The following AP3D1 variants were observed in gnomAD, a reference collection of about 807,000 sequenced individuals.
AP3D1 encodes AP-3 complex subunit delta-1.
A neutral mutation model predicts 147.6 loss-of-function variants in AP3D1; 51 were observed. The observed-to-expected ratio is 0.35, with a 90% CI of 0.28 to 0.44. The LOEUF is 0.44. Among genes scored for constraint, AP3D1 ranks in the 20% least tolerant of loss-of-function variants. The pLI, the probability that AP3D1 is intolerant of heterozygous loss-of-function variation, is 1.00. For missense variants in AP3D1, 1,421 were observed against 1,624.2 expected (o/e 0.87, Z 2.15); for synonymous variants, 760 against 663.0 (o/e 1.15, Z -2.25).
intron 1 of AP3D1, among the ~76,000 whole-genome samples, chr19:2,145,056 T>C (rs116745703): frequency 6.6e-6 from 1 of 152,336 alleles, no homozygotes; most frequent in African/African-American, 2.4e-5. Flanking sequence ...ATCTACTTCA[T>C]TTCATGCCTA....
chr19:2,157,737 C>G (rs1322720813), intron 1 of AP3D1, among the ~76,000 whole-genome samples: 1 of 149,596 alleles, frequency 6.7e-6, no homozygotes. Flanking sequence ...ATCCACCCAT[C>G]CATCCATTCA....
At chr19:2,161,425 G>A (rs1224144490) in intron 1 of AP3D1, among the ~76,000 whole-genome samples, 2 of 151,920 alleles carry the variant, frequency 1.3e-5, no homozygotes, top group African/African-American at 2.4e-5. Context: ...GCCTCCCAAA[G>A]TGCTGGGATT....
chr19:2,110,794 C>T lies in AP3D1; in HGVS notation c.3088G>A (p.Val1030Met), dbSNP rs753440657. The change falls in exon 27 of 32, where the codon GTG (valine) becomes ATG (methionine). Residue 1030 changes from valine (V) to methionine (M), a missense_variant. Val to Met is a conservative substitution (Grantham distance 21). Transcript: ENST00000643116. ...ATCCTGGCATTGAGTGAGTCCAGCA[C>T]GCTGAGCTCCATGCCCTTGAGGATG... ...SSILKGMELS[V>M]LDSLNARMAR... is the part of the protein sequence containing the mutation. 15 of 1,613,344 alleles carry T rather than the reference C, an allele frequency of 9.3e-6. No homozygotes were observed. Among genetic ancestry groups the T allele is most frequent in the South Asian group, 5.5e-5 (5 of 91,066 alleles).
At chr19:2,127,890 G>A (rs913532272) in intron 8 of AP3D1, among the ~76,000 whole-genome samples, 1 of 152,230 alleles carries the variant, frequency 6.6e-6, no homozygotes, top group Non-Finnish European at 1.5e-5. Context: ...GCTGCTTACA[G>A]CTTTACAGTC....
chr19:2,117,675 G>A (rs1030969773), intron 15 of AP3D1, among the ~76,000 whole-genome samples: 28 of 152,350 alleles, frequency 1.8e-4, no homozygotes, highest in Admixed American at 2.0e-4. Context: ...CGGCCCCCGC[G>A]GGCTCCCCGC....
rs759993222 is a variant in AP3D1 at position 2,113,365 on chromosome 19, C to T, written c.2650G>A (p.Ala884Thr). ...GATGGAACGGGGGCGGGGGCGGGGG[C>T]GGGGGCAGGCGGTGGGGTGGTAGAC... is the stretch of plus-strand genomic sequence containing the variant. ...WLSTTPPPAP[A>T]PAPAPVPSTG... Residue 884 changes from alanine (A) to threonine (T), a missense_variant, in exon 23 of 32, where the codon GCC becomes ACC. Physicochemically the swap from Ala to Thr is moderately conservative, Grantham distance 58 (BLOSUM62 0). Transcript: ENST00000643116. 9 of 302,382 alleles carry T rather than the reference C, an allele frequency of 3.0e-5. No individual in the cohort carries two copies. The highest frequency in any genetic ancestry group is 3.6e-4 in the Admixed American group (2 of 5,536). 18.7% of individuals were successfully genotyped at this position (302,382 alleles called of 1,614,324 possible).
chr19:2,163,120 C>T (rs2019761280), intron 1 of AP3D1, among the ~76,000 whole-genome samples: 2 of 152,104 alleles, frequency 1.3e-5, no homozygotes, highest in South Asian at 4.1e-4. Flanking sequence ...GTTGCCCAGG[C>T]CGGAGTGCAG....
intron 14 of AP3D1, among the ~76,000 whole-genome samples, 195 bp from the exon 15 acceptor site, chr19:2,119,027 G>C (rs1051493328): frequency 6.6e-6 from 1 of 152,214 alleles, no homozygotes; most frequent in Non-Finnish European, 1.5e-5. Flanking sequence ...ACACAAACAA[G>C]GCAGAGATGT....
chr19:2,138,721 T>C lies in AP3D1; in HGVS notation c.97-7A>G, dbSNP rs2019142019. 7 of 1,598,506 alleles carry C rather than the reference T, an allele frequency of 4.4e-6. No individual in the cohort carries two copies. The highest frequency in any genetic ancestry group is 6.0e-6 in the Non-Finnish European group (7 of 1,167,780). On this transcript the variant is annotated splice_polypyrimidine_tract_variant and splice_region_variant and intron_variant, in intron 1 of 31. Transcript: ENST00000643116. ...ACTGAGATATGTATTTTGCCTATAA[T>C]GGGGGATAAACACAGAGATTACAAA...
chr19:2,119,755 GA>G (rs2018559564), intron 14 of AP3D1, among the ~76,000 whole-genome samples: 1 of 146,996 alleles, frequency 6.8e-6, no homozygotes, highest in Non-Finnish European at 1.5e-5. Context: ...CCAACATGGT[GA>G]AACCCCATCT....
intron 5 of AP3D1, among the ~76,000 whole-genome samples, chr19:2,130,918 T>C (rs1240969644): frequency 1.3e-5 from 2 of 152,200 alleles, no homozygotes; most frequent in Non-Finnish European, 2.9e-5. Flanking sequence ...AGCCCTCCCA[T>C]CTAACAGGCC....
At chr19:2,134,764 G>C (rs2019035548) in intron 4 of AP3D1, among the ~76,000 whole-genome samples, 1 of 150,780 alleles carries the variant, frequency 6.6e-6, no homozygotes, top group African/African-American at 2.4e-5. Context: ...ACCACGCCCG[G>C]CTAATTTTGT....
chr19:2,111,835 C>T lies in AP3D1; in HGVS notation c.2788-7G>A, dbSNP rs1046406337. 4.3e-6 allele frequency: 7 copies of T among 1,613,460 alleles called. No individual in the cohort carries two copies. The highest frequency in any genetic ancestry group is 5.9e-6 in the Non-Finnish European group (7 of 1,179,960). On this transcript the variant is annotated splice_region_variant and splice_polypyrimidine_tract_variant and intron_variant, in intron 24 of 31. Coordinates refer to ENST00000643116, the MANE Select transcript of AP3D1 (RefSeq NM_001261826.3). ...TCTTAGGCTTGGGAGATTTCTGGAG[C>T]AAGAGGAGGGTCGGGTTCAGTGCCC...
At position 2,117,378 on chromosome 19, in the gene AP3D1, C is replaced by A. The variant is rs754312127; in HGVS notation, c.1714-11G>T. 1 of 1,580,852 alleles carries A rather than the reference C, an allele frequency of 6.3e-7. No homozygotes were observed. The highest frequency in any genetic ancestry group is 8.6e-7 in the Non-Finnish European group (1 of 1,164,976). The stretch of plus-strand genomic sequence containing the variant: ...CAGGATGCAGGACGCCTGTGGGGGA[C>A]ACAGGGGTCACTGCTGGCACCTGCC... On this transcript the variant is annotated splice_polypyrimidine_tract_variant and intron_variant, in intron 15 of 31. Transcript: ENST00000643116.
Position 2,108,716 on chromosome 19 carries a change from C to G in AP3D1, c.3523G>C (p.Gly1175Arg), listed in dbSNP as rs2018179466. ...TTCACCAGGAGGCAGACATGGTGGC[C>G]CTGGATGGAGCGGCTGTACATGGAG... is the stretch of plus-strand genomic sequence containing the variant. ...CASMYSRSIQ[G>R]HHVCLLVKKG... Residue 1175 changes from glycine (G) to arginine (R), a missense_variant, in exon 31 of 32, where the codon GGC (glycine) becomes CGC (arginine). By Grantham distance (125) the Gly-to-Arg change is moderately radical. This residue lies in a region of AP3D1 where 791 missense variants were observed against 761.4 expected (regional missense o/e 1.04). Coordinates refer to ENST00000643116, the MANE Select transcript of AP3D1 (RefSeq NM_001261826.3). 1 of 1,584,346 alleles carries G rather than the reference C, an allele frequency of 6.3e-7. No homozygotes were observed. The highest frequency in any genetic ancestry group is 1.3e-5 in the African/African-American group (1 of 74,174).
rs370261007 is a variant in AP3D1 at position 2,136,013 on chromosome 19, C to T, written c.354+998G>A. Among the ~76,000 whole-genome samples the T allele has an allele frequency of 4.5e-4, 68 of 151,688 alleles. No homozygotes were observed. In the East Asian group the frequency reaches 6.4e-3, roughly 14 times the overall value. On this transcript the variant is annotated intron_variant, in intron 4 of 31. Coordinates refer to ENST00000643116, the MANE Select transcript of AP3D1 (RefSeq NM_001261826.3). ...TCCCGCCCAGGCCCCTCCCGCTACA[C>T]GGCCACGACCCAAGAAGACTCCCGC...
intron 4 of AP3D1, among the ~76,000 whole-genome samples, chr19:2,136,379 C>T (rs1042491176): frequency 6.6e-6 from 1 of 152,150 alleles, no homozygotes; most frequent in Non-Finnish European, 1.5e-5. Flanking sequence ...ATTGGAGAGC[C>T]GGGACCGTGG....
intron 7 of AP3D1, 75 bp from the exon 8 acceptor site, chr19:2,129,238 C>G (rs998292313): frequency 6.2e-7 from 1 of 1,611,402 alleles, no homozygotes; most frequent in Non-Finnish European, 8.5e-7. Context: ...GGGCCTCGGT[C>G]ACCCGCAGGG....
intron 1 of AP3D1, 57 bp downstream of exon 1, chr19:2,151,182 G>A (rs1396612559): frequency 6.5e-7 from 1 of 1,537,368 alleles, no homozygotes; most frequent in Non-Finnish European, 8.9e-7. Flanking sequence ...GAGCAGGGCT[G>A]GGCCCTGGGC....
Sources: allele counts gnomAD v4.1 joint callset (sites outside exome capture counted in the v4.1 genomes callset), GRCh38; gene constraint gnomAD v4.1.1; regional missense constraint gnomAD v4.1.1; transcripts MANE v1.5; gene names NCBI Gene and HGNC (gene_info 2026-07-23, HGNC 2026-07-21).